Variants in RBM25 observed in about 807,000 individuals in gnomAD.
RBM25 encodes the protein RNA binding motif protein 25, also known as RNA-binding protein 25.
RBM25 carries 19 observed loss-of-function variants against 120.7 expected under a neutral mutation model. The ratio of observed to expected loss-of-function variants is 0.16; its 90% CI spans 0.11 to 0.23. The LOEUF (loss-of-function observed/expected upper bound fraction) is 0.23, where lower values mean the gene tolerates loss of function less well. Among genes scored for constraint, RBM25 ranks in the 10% least tolerant of loss-of-function variants. RBM25 has a pLI of 1.00. For synonymous variants in RBM25, 390 were observed against 326.7 expected (o/e 1.19, Z -2.09); for missense variants, 605 against 1,041.5 (o/e 0.58, Z 5.77).
chr14:73,073,420 G>A (rs1288573031), intron 2 of RBM25, among the ~76,000 whole-genome samples: 1 of 152,178 alleles, frequency 6.6e-6, no homozygotes, highest in Non-Finnish European at 1.5e-5. Context: ...GGGCACAGTG[G>A]CTCACGCCTG....
intron 1 of RBM25, among the ~76,000 whole-genome samples, chr14:73,067,690 G>A (rs1594895753): frequency 6.8e-6 from 1 of 147,750 alleles, no homozygotes; most frequent in African/African-American, 2.5e-5. Context: ...TGCAAGCTCC[G>A]CCTCCCAGGT....
chr14:73,059,647 A>G (rs1894953060), intron 1 of RBM25, among the ~76,000 whole-genome samples: 2 of 152,230 alleles, frequency 1.3e-5, no homozygotes, highest in African/African-American at 2.4e-5. Context: ...GCAGTAATGT[A>G]TAAATAATTT....
intron 7 of RBM25, 87 bp downstream of exon 7, chr14:73,097,187 TTTTC>T (rs1895959414): frequency 1.9e-5 from 12 of 635,290 alleles, no homozygotes; most frequent in Non-Finnish European, 2.3e-5. Context: ...CAGTTTTCTT[TTTTC>T]TTTTCTTTTT....
rs563015377 is a variant in RBM25, at chr14:73,093,078, A to G, written c.544-3837A>G. Among the ~76,000 whole-genome samples the G allele has an allele frequency of 2.0e-4, 31 of 152,346 alleles. 1 individual carries two copies. Among genetic ancestry groups the G allele is most frequent in the Admixed American group, 1.6e-3 (24 of 15,298 alleles). On this transcript the variant is annotated intron_variant, in intron 6 of 18. Coordinates refer to ENST00000261973, the MANE Select transcript of RBM25 (RefSeq NM_021239.3). Reference sequence around the variant, plus strand: ...TGCTTTCTGGCTGTCCAGCAAAAATAGTATAGGAGACAATATATCTGCTTG... The same window carrying G: ...TGCTTTCTGGCTGTCCAGCAAAAATGGTATAGGAGACAATATATCTGCTTG...
chr14:73,071,833 C>A, intron 2 of RBM25, 86 bp downstream of exon 2: 1 of 1,098,968 alleles, frequency 9.1e-7, no homozygotes, highest in Non-Finnish European at 1.4e-6. Context: ...AGATATGTGA[C>A]TGTGTTAGTG....
chr14:73,113,667 G>T (rs377541554), intron 17 of RBM25, among the ~76,000 whole-genome samples: 1 of 151,910 alleles, frequency 6.6e-6, no homozygotes, highest in African/African-American at 2.4e-5. Flanking sequence ...CTCCAAGCCT[G>T]TGTGACAAGA....
rs908058078 is a variant in RBM25, at chr14:73,121,990, A to C, written c.*2185A>C. 4 of 152,228 alleles carry C rather than the reference A, an allele frequency of 2.6e-5. No individual in the cohort carries two copies. Among genetic ancestry groups the C allele is most frequent in the African/African-American group, 9.6e-5 (4 of 41,460 alleles). 9.4% of individuals were successfully genotyped at this position (152,228 alleles called of 1,614,324 possible). A position where few individuals can be genotyped will look rare whatever the true frequency, so the allele number is the denominator to read the frequency against. ...TAGAAACTGTTAATCGCTTAATGCC[A>C]GTTTAAATCATGTTTTGTAACCAAG... On this transcript the variant is annotated 3_prime_UTR_variant, in exon 19 of 19. Transcript: ENST00000261973.
intron 1 of RBM25, chr14:73,068,599 C>T (rs1895200103): frequency 2.0e-6 from 1 of 502,938 alleles, no homozygotes; most frequent in African/African-American, 2.0e-5. Context: ...GACCATGGCT[C>T]TGAGAAGTCT....
intron 7 of RBM25, among the ~76,000 whole-genome samples, chr14:73,098,298 T>A (rs1182876918): frequency 2.0e-5 from 3 of 151,994 alleles, no homozygotes; most frequent in Non-Finnish European, 2.9e-5. Context: ...CCCAGCTAAT[T>A]TTTGTATTTT....
intron 15 of RBM25, 96 bp downstream of exon 15, chr14:73,111,251 G>C: frequency 9.1e-7 from 1 of 1,103,812 alleles, no homozygotes; most frequent in South Asian, 1.7e-5. Context: ...TTTGTGCTTG[G>C]TTAGGTAGAT....
At chr14:73,105,454 T>G (rs1896165155) in intron 10 of RBM25, among the ~76,000 whole-genome samples, 1 of 152,246 alleles carries the variant, frequency 6.6e-6, no homozygotes, top group South Asian at 2.1e-4. Flanking sequence ...TCTAGTAAGC[T>G]AAACTATCTC....
intron 1 of RBM25, among the ~76,000 whole-genome samples, chr14:73,065,270 A>G (rs76060640): frequency 0.086 from 13,029 of 151,890 alleles, 837 homozygotes; most frequent in East Asian, 0.32. Flanking sequence ...CTGGGATTAC[A>G]GGCACCCGCC....
At chr14:73,060,278 C>T (rs1276433384) in intron 1 of RBM25, among the ~76,000 whole-genome samples, 1 of 151,372 alleles carries the variant, frequency 6.6e-6, no homozygotes, top group African/African-American at 2.4e-5. Context: ...ACCTCGTGAT[C>T]CGCCCGCCTA....
intron 14 of RBM25, 76 bp from the exon 15 acceptor site, chr14:73,110,755 C>T (rs1376715722): frequency 3.3e-6 from 5 of 1,493,138 alleles, no homozygotes; most frequent in South Asian, 1.4e-5. Flanking sequence ...AGATATTTTA[C>T]AAGAGGTAAT....
chr14:73,068,599 C>CT (rs1174210813), intron 1 of RBM25: 4 of 502,938 alleles, frequency 8.0e-6, no homozygotes, highest in African/African-American at 5.9e-5. Flanking sequence ...GACCATGGCT[C>CT]TGAGAAGTCT....
At chr14:73,077,271 T>C in intron 3 of RBM25, 98 bp from the exon 4 acceptor site, 1 of 1,045,452 alleles carries the variant, frequency 9.6e-7, no homozygotes, top group Non-Finnish European at 1.4e-6. Flanking sequence ...AATAATGTGC[T>C]ATATATATTT....
chr14:73,073,730 T>C (rs529428832), intron 2 of RBM25, among the ~76,000 whole-genome samples: 2 of 152,310 alleles, frequency 1.3e-5, no homozygotes, highest in African/African-American at 4.8e-5. Context: ...TGCATGTATA[T>C]TATGGAATAG....
At chr14:73,068,481 G>A (rs1278233513) in intron 1 of RBM25, 12 of 875,498 alleles carry the variant, frequency 1.4e-5, no homozygotes, top group East Asian at 3.3e-5. Context: ...AAGTTTTGAC[G>A]TATTGTCAGT....
At chr14:73,097,152 T>G (rs779925386) in intron 7 of RBM25, 52 bp downstream of exon 7, 12 of 1,309,412 alleles carry the variant, frequency 9.2e-6, no homozygotes, top group Non-Finnish European at 1.3e-5. Context: ...TTTTATGATA[T>G]CACTCTTATA....
Sources: gnomAD v4.1 joint callset for allele counts (sites outside exome capture counted in the v4.1 genomes callset) on GRCh38, gnomAD v4.1.1 for gene constraint, MANE v1.5 for transcripts, NCBI Gene and HGNC (gene_info 2026-07-23, HGNC 2026-07-21) for gene names.